The following GPC6 variants were observed in gnomAD, a reference collection of about 807,000 sequenced individuals.
The protein encoded by GPC6 is glypican 6.
Under a neutral mutation model 55.2 loss-of-function variants are expected in GPC6, and 14 were observed. The ratio of observed to expected loss-of-function variants is 0.25; its 90% confidence interval spans 0.17 to 0.40. GPC6 has a LOEUF of 0.40. GPC6 is among the 10% of genes least tolerant of loss of function. GPC6 has a pLI of 1.00. For missense variants in GPC6, 641 were observed against 708.5 expected, an observed-to-expected ratio of 0.90 and a Z score of 1.08; for synonymous variants, 278 against 259.6, an observed-to-expected ratio of 1.07 and a Z score of -0.68.
intron 1 of GPC6, among the ~76,000 whole-genome samples, chr13:93,410,793 C>T (rs1464282542): frequency 6.6e-6 from 1 of 152,166 alleles, no homozygotes; most frequent in African/African-American, 2.4e-5. Flanking sequence ...TTATAACTTT[C>T]ATCTTAAACT....
chr13:94,350,384 C>G (rs978627473), intron 6 of GPC6, among the ~76,000 whole-genome samples: 1 of 152,038 alleles, frequency 6.6e-6, no homozygotes, highest in Non-Finnish European at 1.5e-5. Flanking sequence ...TCAGATGATT[C>G]CAATATGCAC....
chr13:93,292,686 G>A (rs189116172), intron 1 of GPC6, among the ~76,000 whole-genome samples: 1 of 152,224 alleles, frequency 6.6e-6, no homozygotes, highest in East Asian at 1.9e-4. Context: ...TTTACCCTTA[G>A]TGATTAAAAT....
chr13:93,276,495 A>AGAGAGAGAGAGTGT (rs1365006783), intron 1 of GPC6, among the ~76,000 whole-genome samples: 26 of 94,446 alleles, frequency 2.8e-4, no homozygotes, highest in African/African-American at 1.1e-3. Flanking sequence ...AGAGAGAGAG[A>AGAGAGAGAGAGTGT]GTGTGTGTGT....
chr13:93,846,059 G>T (rs1362200183), intron 3 of GPC6, among the ~76,000 whole-genome samples: 4 of 152,056 alleles, frequency 2.6e-5, no homozygotes, highest in Non-Finnish European at 5.9e-5. Flanking sequence ...TCTGATGTTA[G>T]GACCAGGGAA....
chr13:94,156,740 G>C (rs949498020), intron 4 of GPC6, among the ~76,000 whole-genome samples: 1 of 152,162 alleles, frequency 6.6e-6, no homozygotes, highest in Non-Finnish European at 1.5e-5. Flanking sequence ...CCATGCCCAG[G>C]AGCTCCCAGA....
the GPC6 span, among the ~76,000 whole-genome samples, chr13:93,220,283 T>C: frequency 6.6e-6 from 1 of 152,222 alleles, no homozygotes; most frequent in Non-Finnish European, 1.5e-5. Flanking sequence ...TTGTTTATGA[T>C]GCCAGATGAT....
intron 2 of GPC6, among the ~76,000 whole-genome samples, chr13:93,776,530 A>G (rs1044798778): frequency 9.9e-5 from 15 of 152,140 alleles, no homozygotes; most frequent in African/African-American, 3.1e-4. Flanking sequence ...TACTGGGATA[A>G]TGAACTGATA....
At chr13:93,715,728 T>C (rs887425757) in intron 2 of GPC6, among the ~76,000 whole-genome samples, 22 of 151,724 alleles carry the variant, frequency 1.5e-4, no homozygotes, top group African/African-American at 4.8e-4. Context: ...AATTCTGTAT[T>C]TTCTCATGTG....
At position 93,603,125 on chromosome 13, in the gene GPC6, T is replaced by C. The variant is rs532866137; in HGVS notation, c.319+57704T>C. Among the ~76,000 whole-genome samples, 6 of 152,258 alleles carry C rather than the reference T, an allele frequency of 3.9e-5. No individual in the cohort carries two copies. The East Asian group carries it at 9.7e-4, about 25-fold the overall frequency. On this transcript the variant is annotated intron_variant, in intron 2 of 8. Coordinates refer to ENST00000377047, the MANE Select transcript of GPC6 (RefSeq NM_005708.5). Reference sequence around the variant, plus strand: ...CCTGGGCTCAAGCAATCTTCCCACATTGGCATCCTGAGTAGCTGGGACCAC... The same window carrying C: ...CCTGGGCTCAAGCAATCTTCCCACACTGGCATCCTGAGTAGCTGGGACCAC...
chr13:93,851,193 G>A (rs914615074), intron 3 of GPC6, among the ~76,000 whole-genome samples: 14 of 151,926 alleles, frequency 9.2e-5, no homozygotes, highest in African/African-American at 3.1e-4. Flanking sequence ...GGATTTCCAT[G>A]GGCCTCTAGA....
At chr13:94,324,705 G>GGGTTTTTTGT (rs1555320130) in intron 6 of GPC6, among the ~76,000 whole-genome samples, 2 of 147,764 alleles carry the variant, frequency 1.4e-5, no homozygotes, top group African/African-American at 2.5e-5. Flanking sequence ...TGGGTTTTTT[G>GGGTTTTTTGT]TTTTTTTTTT....
chr13:93,705,516 T>A (rs1209888848), intron 2 of GPC6, among the ~76,000 whole-genome samples: 1 of 151,918 alleles, frequency 6.6e-6, no homozygotes, highest in Admixed American at 6.6e-5. Context: ...CACAGAAAAC[T>A]TGAGAAGCAC....
intron 2 of GPC6, among the ~76,000 whole-genome samples, chr13:93,633,558 C>T (rs1033274625): frequency 6.6e-6 from 1 of 151,988 alleles, no homozygotes; most frequent in African/African-American, 2.4e-5. Flanking sequence ...ATCACTTGAA[C>T]CCAGCAGGCG....
intron 2 of GPC6, among the ~76,000 whole-genome samples, chr13:93,633,905 C>T (rs1318615623): frequency 1.3e-5 from 2 of 152,174 alleles, no homozygotes; most frequent in Admixed American, 6.5e-5. Context: ...TAGGACCTTA[C>T]AGTTGAAAGA....
chr13:94,291,708 T>TTTTTTC (rs1474968413), intron 5 of GPC6, among the ~76,000 whole-genome samples: 1 of 151,910 alleles, frequency 6.6e-6, no homozygotes, highest in Non-Finnish European at 1.5e-5. Flanking sequence ...TTTTTTTTTT[T>TTTTTTC]TTTTTCAAAG....
intron 4 of GPC6, among the ~76,000 whole-genome samples, chr13:94,133,494 C>G (rs1887078699): frequency 6.6e-6 from 1 of 152,024 alleles, no homozygotes; most frequent in Admixed American, 6.6e-5. Flanking sequence ...GATATCTTGG[C>G]AGAACTTAAT....
intron 4 of GPC6, among the ~76,000 whole-genome samples, chr13:94,205,404 T>A (rs1375292740): frequency 1.3e-5 from 2 of 152,086 alleles, no homozygotes; most frequent in Non-Finnish European, 2.9e-5. Flanking sequence ...CAACTTAGAG[T>A]TTGTCTGTTT....
intron 2 of GPC6, among the ~76,000 whole-genome samples, chr13:93,705,179 G>C (rs1260655302): frequency 6.6e-6 from 1 of 152,012 alleles, no homozygotes; most frequent in East Asian, 2.0e-4. Flanking sequence ...TGCTTTTGAA[G>C]TGTATTCTAT....
chr13:94,337,413 A>T, intron 6 of GPC6, among the ~76,000 whole-genome samples: 1 of 152,154 alleles, frequency 6.6e-6, no homozygotes, highest in South Asian at 2.1e-4. Context: ...AGTAACATAG[A>T]TAGTACATTT....
Sources: allele counts gnomAD v4.1 joint callset (sites outside exome capture counted in the v4.1 genomes callset), GRCh38; gene constraint gnomAD v4.1.1; transcripts MANE v1.5; gene names NCBI Gene and HGNC (gene_info 2026-07-23, HGNC 2026-07-21).